CNTN1: variants seen among roughly 807,000 people sequenced by gnomAD.
The protein encoded by CNTN1 is contactin 1.
Under a neutral mutation model 126.4 loss-of-function variants are expected in CNTN1, and 38 were observed. The observed-to-expected ratio is 0.30, with a 90% CI of 0.23 to 0.39. CNTN1 has a LOEUF of 0.39. Among genes scored for constraint, CNTN1 ranks in the 10% least tolerant of loss-of-function variants. The pLI is 1.00. For synonymous variants in CNTN1, 413 were observed against 422.6 expected, an observed-to-expected ratio of 0.98 and a Z score of 0.28; for missense variants, 1,009 against 1,248.4, an observed-to-expected ratio of 0.81 and a Z score of 2.89.
At chr12:41,014,401 C>A in intron 18 of CNTN1, 103 bp downstream of exon 18, 1 of 1,133,754 alleles carries the variant, frequency 8.8e-7, no homozygotes, top group Non-Finnish European at 1.3e-6. Context: ...TGACTGCCTA[C>A]TGCACAAGCA....
At position 40,959,056 on chromosome 12, in the gene CNTN1, A is replaced by G. The variant is rs75073938; in HGVS notation, c.1684-58A>G. On this transcript the variant is annotated intron_variant, in intron 14 of 23. Coordinates refer to ENST00000551295, the MANE Select transcript of CNTN1 (RefSeq NM_001843.4). ...GAAAAAACTACCTCTTGGATCTTAA[A>G]TGCCACATAATTGGTGAAAAATGTA... 3.8e-3 allele frequency: 6,133 copies of G among 1,607,734 alleles called. 18 individuals carry two copies. Among genetic ancestry groups the G allele is most frequent in the Non-Finnish European group, 4.4e-3 (5,207 of 1,176,202 alleles).
intron 1 of CNTN1, among the ~76,000 whole-genome samples, chr12:40,796,048 T>A (rs998435493): frequency 1.3e-4 from 20 of 152,040 alleles, no homozygotes; most frequent in African/African-American, 4.6e-4. Flanking sequence ...AAAATGCACA[T>A]CTGCTCATGT....
chr12:40,758,628 T>C (rs566589212), intron 1 of CNTN1, among the ~76,000 whole-genome samples: 5 of 152,168 alleles, frequency 3.3e-5, no homozygotes, highest in African/African-American at 1.2e-4. Flanking sequence ...ACTTCAAATA[T>C]GTACAAAACT....
chr12:41,024,323 C>G (rs961370930), intron 20 of CNTN1, among the ~76,000 whole-genome samples: 1 of 151,682 alleles, frequency 6.6e-6, no homozygotes, highest in Non-Finnish European at 1.5e-5. Context: ...ACAAATAATC[C>G]TTTTCTTTTT....
chr12:40,809,459 T>A (rs2136500463), intron 1 of CNTN1, among the ~76,000 whole-genome samples: 1 of 152,306 alleles, frequency 6.6e-6, no homozygotes, highest in South Asian at 2.1e-4. Context: ...CAAAATCATC[T>A]TATTAAATGA....
chr12:40,710,086 G>A (rs1225813777), intron 1 of CNTN1, among the ~76,000 whole-genome samples: 1 of 152,142 alleles, frequency 6.6e-6, no homozygotes, highest in East Asian at 1.9e-4. Context: ...AGAGATGTGG[G>A]ACTCTTCCTT....
intron 23 of CNTN1, among the ~76,000 whole-genome samples, chr12:41,062,960 A>G (rs1469426116): frequency 6.6e-6 from 1 of 152,216 alleles, no homozygotes; most frequent in Non-Finnish European, 1.5e-5. Context: ...AAAATTCCCA[A>G]CTGATTAGAC....
chr12:40,767,889 C>T (rs1042371155), intron 1 of CNTN1, among the ~76,000 whole-genome samples: 15 of 152,026 alleles, frequency 9.9e-5, no homozygotes, highest in Middle Eastern at 3.2e-3. Context: ...AATTATAAGG[C>T]CCATTAATGT....
intron 17 of CNTN1, among the ~76,000 whole-genome samples, chr12:41,002,097 G>C (rs1355272561): frequency 6.6e-6 from 1 of 151,106 alleles, no homozygotes; most frequent in Admixed American, 6.6e-5. Context: ...GTTTGCTTTG[G>C]CTATTTGGGC....
At chr12:40,954,440 A>C (rs1946798152) in intron 14 of CNTN1, among the ~76,000 whole-genome samples, 1 of 152,084 alleles carries the variant, frequency 6.6e-6, no homozygotes, top group African/African-American at 2.4e-5. Flanking sequence ...AGAAAAACTC[A>C]TATTTACCTT....
At chr12:41,012,864 G>A (rs1948695216) in intron 17 of CNTN1, among the ~76,000 whole-genome samples, 1 of 152,086 alleles carries the variant, frequency 6.6e-6, no homozygotes, top group Admixed American at 6.6e-5. Context: ...CATGGATGAG[G>A]TCCCCAGTAT....
chr12:40,720,297 T>G (rs572132529), intron 1 of CNTN1, among the ~76,000 whole-genome samples: 5 of 152,162 alleles, frequency 3.3e-5, no homozygotes, highest in Non-Finnish European at 7.3e-5. Flanking sequence ...TAATTTGGTC[T>G]CTTCGGTTCT....
At chr12:40,696,635 C>G (rs970346134) in intron 1 of CNTN1, among the ~76,000 whole-genome samples, 1 of 152,202 alleles carries the variant, frequency 6.6e-6, no homozygotes, top group Non-Finnish European at 1.5e-5. Context: ...GACAACAGGA[C>G]TGATCCGTTG....
chr12:41,016,623 C>G (rs1398727685), intron 18 of CNTN1, 59 bp from the exon 19 acceptor site: 2 of 1,063,510 alleles, frequency 1.9e-6, no homozygotes, highest in African/African-American at 3.1e-5. Flanking sequence ...ATCCCCATAG[C>G]ATTTCCTCCC....
At chr12:40,780,960 T>G (rs1057373693) in intron 1 of CNTN1, among the ~76,000 whole-genome samples, 8 of 151,724 alleles carry the variant, frequency 5.3e-5, no homozygotes, top group African/African-American at 1.9e-4. Flanking sequence ...GACTCATTAA[T>G]GCATCAGGCT....
chr12:41,016,633 C>T (rs757001238), intron 18 of CNTN1, 49 bp from the exon 19 acceptor site: 1 of 1,205,334 alleles, frequency 8.3e-7, no homozygotes, highest in South Asian at 1.2e-5. Flanking sequence ...CATTTCCTCC[C>T]TGTTACCTGT....
intron 1 of CNTN1, among the ~76,000 whole-genome samples, chr12:40,758,203 T>C (rs1938687983): frequency 1.3e-5 from 2 of 151,796 alleles, no homozygotes; most frequent in South Asian, 4.2e-4. Flanking sequence ...TTAATGTTTC[T>C]AATAATTTAC....
At chr12:41,068,039 A>G (rs1950084085) in intron 23 of CNTN1, among the ~76,000 whole-genome samples, 1 of 152,214 alleles carries the variant, frequency 6.6e-6, no homozygotes. Context: ...CATTAAGTGC[A>G]GAGCGCAGTT....
intron 1 of CNTN1, among the ~76,000 whole-genome samples, chr12:40,899,946 T>C (rs919684954): frequency 5.3e-5 from 8 of 152,134 alleles, no homozygotes; most frequent in Non-Finnish European, 2.9e-5. Context: ...TTTAAAAAAA[T>C]TAAGTAATAA....
Sources: allele counts gnomAD v4.1 joint callset (sites outside exome capture counted in the v4.1 genomes callset), GRCh38; gene constraint gnomAD v4.1.1; transcripts MANE v1.5; gene names NCBI Gene and HGNC (gene_info 2026-07-23, HGNC 2026-07-21).